CD163: variants seen among roughly 807,000 people sequenced by gnomAD.
CD163 encodes the protein scavenger receptor cysteine-rich type 1 protein M130.
A neutral mutation model predicts 129.2 loss-of-function variants in CD163; 64 were observed. The ratio of observed to expected loss-of-function variants is 0.50; its 90% CI spans 0.41 to 0.61. The LOEUF is 0.61. Ranked by LOEUF, CD163 falls within the 20% of genes least tolerant of loss-of-function variation. The pLI is 0.00. For synonymous variants in CD163, 446 were observed against 478.5 expected (o/e 0.93, Z 0.89); for missense variants, 1,061 against 1,377.9 (o/e 0.77, Z 3.64).
chr12:7,485,302 G>A lies in CD163; in HGVS notation c.2573C>T (p.Thr858Ile), dbSNP rs1386787762. The A allele has an allele frequency of 6.2e-7, 1 of 1,614,148 alleles. No individual in the cohort carries two copies. ...GTVGKSSMSE[T>I]TVGVVCRQLG... is the part of the protein sequence containing the mutation. ...CTGCCTGCACACCACACCCACAGTG[G>A]TTTCAGACATGCTACTCTTGCCAAC... The change falls in exon 11 of 17, where the codon ACC (threonine) becomes ATC (isoleucine). Residue 858 changes from threonine to isoleucine, a missense_variant. Coordinates refer to ENST00000432237, the MANE Select transcript of CD163 (RefSeq NM_203416.4). This position sits in a 1 kb window ranked among gnomAD's most constrained non-coding sequence, Gnocchi z 4.5.
chr12:7,488,836 C>T (rs555521429), intron 6 of CD163, among the ~76,000 whole-genome samples: 1 of 151,918 alleles, frequency 6.6e-6, no homozygotes, highest in Non-Finnish European at 1.5e-5. Flanking sequence ...ATATTCTTTA[C>T]TTAATTAATG....
At chr12:7,480,029 A>G (rs770602594) in intron 15 of CD163, 116 bp from the exon 16 acceptor site, 1 of 1,595,466 alleles carries the variant, frequency 6.3e-7, no homozygotes, top group Non-Finnish European at 8.5e-7. Context: ...TGGGAAATAA[A>G]CCAGACCTCT....
intron 5 of CD163, 93 bp from the exon 6 acceptor site, chr12:7,495,494 G>T: frequency 9.5e-7 from 1 of 1,048,712 alleles, no homozygotes; most frequent in Non-Finnish European, 1.4e-6. Flanking sequence ...TGATACTGAT[G>T]CATTGAAAAT....
At chr12:7,482,914 A>T (rs1949182430) in intron 13 of CD163, 52 bp downstream of exon 13, 1 of 1,597,160 alleles carries the variant, frequency 6.3e-7, no homozygotes, top group Non-Finnish European at 8.5e-7. Flanking sequence ...AAACAAGAAA[A>T]ATTCTATGTA....
In CD163 at chr12:7,485,073, CA is replaced by C; in HGVS notation, c.2779+22del. On this transcript the variant is annotated intron_variant, in intron 11 of 16. Transcript: ENST00000432237. This position sits in a 1 kb window ranked among gnomAD's most constrained non-coding sequence, Gnocchi z 4.5. ...TAGCGGGGCTGCAGAATGGAATTTT[CA>C]TATAGGTCGATGGATACTCACTGTC... 1 of 1,555,836 alleles carries C rather than the reference CA, an allele frequency of 6.4e-7. No individual in the cohort carries two copies. Among genetic ancestry groups the C allele is most frequent in the Non-Finnish European group, 8.7e-7 (1 of 1,150,076 alleles).
chr12:7,472,973 C>T (rs1647677091), intron 16 of CD163: 1 of 151,926 alleles, frequency 6.6e-6, no homozygotes, highest in South Asian at 2.1e-4. Context: ...GAAAGGATAA[C>T]AGTAATTGAA....
intron 2 of CD163, among the ~76,000 whole-genome samples, 179 bp downstream of exon 2, chr12:7,502,299 C>T (rs1017922768): frequency 1.4e-4 from 21 of 152,136 alleles, no homozygotes; most frequent in African/African-American, 5.1e-4. Flanking sequence ...GGTGAGGAAC[C>T]ATGCTAATAT....
Position 7,495,277 on chromosome 12 carries a change from ATCAGCTTCTTTCAGT to A in CD163, c.1209_1223del (p.Leu404_Asp408del). On this transcript the variant is annotated inframe_deletion, in exon 6 of 17. Coordinates refer to ENST00000432237, the MANE Select transcript of CD163 (RefSeq NM_203416.4). ...CACATCCCAGCTGCCTGCAAACCACATCAGCTTCTTTCAGTCCCCAGCCTCTGTCACACACCTTCC... is the reference window on the plus strand; with the variant it reads ...CACATCCCAGCTGCCTGCAAACCACACCCCAGCCTCTGTCACACACCTTCC... 6.2e-6 allele frequency: 10 copies of A among 1,614,136 alleles called. No homozygotes were observed. The highest frequency in any genetic ancestry group is 8.5e-6 in the Non-Finnish European group (10 of 1,179,998).
intron 6 of CD163, among the ~76,000 whole-genome samples, chr12:7,491,297 G>C (rs142541573): frequency 2.6e-5 from 4 of 152,182 alleles, no homozygotes; most frequent in African/African-American, 9.6e-5. Context: ...GTGACTTGGA[G>C]ACTCCATCCT....
At position 7,485,760 on chromosome 12, in the gene CD163, A is replaced by G. The variant is rs1440661922; in HGVS notation, c.2459-344T>C. On this transcript the variant is annotated intron_variant, in intron 10 of 16. Coordinates refer to ENST00000432237, the MANE Select transcript of CD163 (RefSeq NM_203416.4). The surrounding 1 kb of genome is among the most constrained non-coding windows in gnomAD (Gnocchi z 4.5). ...ACTGTCTTTGATAGTTAAAATTGTT[A>G]GACACTCAGGCACTAAAATCAATGT... 6.6e-6 allele frequency among the ~76,000 whole-genome samples: 1 copy of G among 152,138 alleles called. No individual in the cohort carries two copies. The highest frequency in any genetic ancestry group is 2.4e-5 in the African/African-American group (1 of 41,426).
At chr12:7,500,090 A>G (rs921305574) in intron 3 of CD163, among the ~76,000 whole-genome samples, 1 of 151,916 alleles carries the variant, frequency 6.6e-6, no homozygotes, top group Non-Finnish European at 1.5e-5. Flanking sequence ...GTCCTATGGG[A>G]GAGAGAGAGG....
At position 7,486,761 on chromosome 12, in the gene CD163, T is replaced by C; in HGVS notation, c.2196A>G (p.Val732=). The change falls in exon 10 of 17, where the codon GTA becomes GTG. Residue 732 remains valine (V), a synonymous_variant. Coordinates refer to ENST00000432237, the MANE Select transcript of CD163 (RefSeq NM_203416.4). ...VNGGGRCAGR[V]EIYHEGSWGT... ...CCCAGGAGCCCTCATGATAGATCTC[T>C]ACTCTCCCAGCACAGCGACCTCCTC... is the stretch of plus-strand genomic sequence containing the variant. The C allele has an allele frequency of 6.2e-7, 1 of 1,613,958 alleles. No individual in the cohort carries two copies. The highest frequency in any genetic ancestry group is 8.5e-7 in the Non-Finnish European group (1 of 1,179,822).
rs201254932 is a variant in CD163 at position 7,482,796 on chromosome 12, T to C, written c.3128-34A>G. ...AAGTAAATATCAAGAGATATGATCA[T>C]GTCTTATCGAAAAGATCAAGGTCCC... On this transcript the variant is annotated intron_variant, in intron 13 of 16. Transcript: ENST00000432237. The C allele has an allele frequency of 3.6e-4, 584 of 1,611,280 alleles. 3 individuals carry two copies. Among genetic ancestry groups the C allele is most frequent in the Middle Eastern group, 2.6e-3 (16 of 6,038 alleles).
chr12:7,471,655 C>T (rs1949006915), intron 16 of CD163, among the ~76,000 whole-genome samples: 1 of 149,188 alleles, frequency 6.7e-6, no homozygotes, highest in Non-Finnish European at 1.5e-5. Flanking sequence ...CTGCAGCTCC[C>T]AGTGAGACCA....
chr12:7,471,598 G>A (rs1949005619), intron 16 of CD163, among the ~76,000 whole-genome samples: 1 of 151,996 alleles, frequency 6.6e-6, no homozygotes, highest in South Asian at 2.1e-4. Flanking sequence ...ATTAAGAAAT[G>A]CCATTTATAG....
chr12:7,500,421 CAAAAAAAA>C (rs71953455), intron 3 of CD163, among the ~76,000 whole-genome samples: 7 of 64,104 alleles, frequency 1.1e-4, no homozygotes, highest in South Asian at 7.1e-4. Flanking sequence ...CAATTCGTCC[CAAAAAAAA>C]AAAAAAAAAA....
At chr12:7,503,181 A>G (rs780404919) in intron 1 of CD163, among the ~76,000 whole-genome samples, 3 of 152,160 alleles carry the variant, frequency 2.0e-5, no homozygotes, top group Non-Finnish European at 2.9e-5. Flanking sequence ...ACACTCTTTA[A>G]TGCTGTTATT....
At chr12:7,472,596 A>G (rs553449742) in intron 16 of CD163, among the ~76,000 whole-genome samples, 173 of 152,346 alleles carry the variant, frequency 1.1e-3, no homozygotes, top group African/African-American at 3.9e-3. Flanking sequence ...TCAAAGGTAG[A>G]TAAATCGATG....
In CD163 at chr12:7,486,955, A is replaced by G; in HGVS notation, c.2082T>C (p.Asn694=). The G allele has an allele frequency of 6.2e-7, 1 of 1,614,164 alleles. No individual in the cohort carries two copies. The highest frequency in any genetic ancestry group is 1.3e-5 in the African/African-American group (1 of 75,064). Reference sequence around the variant, plus strand: ...GCCTTGTTGGGCCCAAAGACGATGAATTGCACGAGGACAGTGTTTGGGACT... The same window carrying G: ...GCCTTGTTGGGCCCAAAGACGATGAGTTGCACGAGGACAGTGTTTGGGACT... ...GNQSQTLSSC[N]SSSLGPTRPT... Residue 694 remains asparagine (N), a synonymous_variant, in exon 9 of 17, where the codon AAT becomes AAC. Transcript: ENST00000432237.
Sources: allele counts gnomAD v4.1 joint callset (sites outside exome capture counted in the v4.1 genomes callset), GRCh38; gene constraint gnomAD v4.1.1; non-coding constraint Gnocchi (gnomAD v3.1); transcripts MANE v1.5; gene names NCBI Gene and HGNC (gene_info 2026-07-23, HGNC 2026-07-21).